SUPT6H: variants seen among roughly 807,000 people sequenced by gnomAD.
The protein encoded by SUPT6H is transcription elongation factor SPT6.
SUPT6H carries 11 observed loss-of-function variants against 222.3 expected under a neutral mutation model. That is an observed-to-expected ratio of 0.05 (90% CI 0.03 to 0.08). The LOEUF (loss-of-function observed/expected upper bound fraction) is 0.08, where lower values mean the gene tolerates loss of function less well. Among genes scored for constraint, SUPT6H ranks in the 10% least tolerant of loss-of-function variants. SUPT6H has a pLI of 1.00. For missense variants in SUPT6H, 1,422 were observed against 2,216.0 expected (o/e 0.64, Z 7.19); for synonymous variants, 762 against 801.2 (o/e 0.95, Z 0.83).
At chr17:28,690,788 A>T in intron 26 of SUPT6H, 133 bp from the exon 27 acceptor site, 1 of 1,040,620 alleles carries the variant, frequency 9.6e-7, no homozygotes, top group Non-Finnish European at 1.4e-6. Flanking sequence ...ATAAATAAAT[A>T]AATAAAAATC....
chr17:28,676,161 C>T lies in SUPT6H; in HGVS notation c.628C>T (p.Leu210=). 3 of 1,588,780 alleles carry T rather than the reference C, an allele frequency of 1.9e-6. No homozygotes were observed. Among genetic ancestry groups the T allele is most frequent in the Non-Finnish European group, 2.6e-6 (3 of 1,167,852 alleles). The change falls in exon 7 of 37, where the codon CTG becomes TTG. Residue 210 remains leucine, a synonymous_variant. Transcript: ENST00000314616. ...KKLPGYTDAA[L]QEAQEIFGVD... is the part of the protein sequence containing the mutation. Reference sequence around the variant, plus strand: ...GCCTCTTGCTGCCACCTACAGGGCCCTGCAAGAAGCCCAGGAAATCTTCGG... The same window carrying T: ...GCCTCTTGCTGCCACCTACAGGGCCTTGCAAGAAGCCCAGGAAATCTTCGG...
At chr17:28,667,401 GTGTGTATATATATATATA>G (rs2030102694) in intron 1 of SUPT6H, among the ~76,000 whole-genome samples, 1 of 20,032 alleles carries the variant, frequency 5.0e-5, no homozygotes, top group Non-Finnish European at 1.4e-4. Flanking sequence ...AAAAGTGTGT[GTGTGTATATATATATATA>G]TATATATATA....
rs9916595 is a variant in SUPT6H at position 28,688,267 on chromosome 17, T to C, written c.3134+49T>C. The C allele has an allele frequency of 5.7e-6, 9 of 1,587,028 alleles. No homozygotes were observed. In the African/African-American group the frequency reaches 1.2e-4, roughly 21 times the overall value. On this transcript the variant is annotated intron_variant, in intron 24 of 36. Coordinates refer to ENST00000314616, the MANE Select transcript of SUPT6H (RefSeq NM_003170.5). This position sits in a 1 kb window ranked among gnomAD's most constrained non-coding sequence, Gnocchi z 4.3. ...GCAGGAGGAATTCCCTTGTGGGCTT[T>C]GTTTTCGGGTTTCAGGGGTTAGGGC...
intron 27 of SUPT6H, among the ~76,000 whole-genome samples, chr17:28,693,289 C>T (rs1352448712): frequency 6.6e-6 from 1 of 152,040 alleles, no homozygotes; most frequent in Non-Finnish European, 1.5e-5. Context: ...GATGAAACCC[C>T]ATCTCTACTA....
rs2031550975 is a variant in SUPT6H at position 28,689,669 on chromosome 17, G to T, written c.3342+108G>T. On this transcript the variant is annotated intron_variant, in intron 25 of 36. Coordinates refer to ENST00000314616, the MANE Select transcript of SUPT6H (RefSeq NM_003170.5). Reference sequence around the variant, plus strand: ...GAGAAAGCCTGATACTGTTAGTATGGCAGACTTGATCCTCATCTCCCTGCC... The same window carrying T: ...GAGAAAGCCTGATACTGTTAGTATGTCAGACTTGATCCTCATCTCCCTGCC... 1.0e-5 allele frequency: 11 copies of T among 1,072,660 alleles called. No individual in the cohort carries two copies. The South Asian group carries it at 1.6e-4, about 16-fold the overall frequency. 66.4% of individuals were successfully genotyped at this position (1,072,660 alleles called of 1,614,324 possible).
intron 7 of SUPT6H, among the ~76,000 whole-genome samples, chr17:28,676,893 C>T (rs1050614901): frequency 5.3e-5 from 8 of 151,756 alleles, no homozygotes; most frequent in African/African-American, 1.9e-4. Context: ...CACCACTGCA[C>T]TGCAGCCTAG....
intron 32 of SUPT6H, among the ~76,000 whole-genome samples, chr17:28,699,303 T>G (rs921995640): frequency 6.6e-6 from 1 of 152,138 alleles, no homozygotes. Flanking sequence ...GAGCTAAAAC[T>G]AGAACTAGAA....
intron 22 of SUPT6H, 24 bp from the exon 23 acceptor site, chr17:28,687,280 C>A: frequency 6.2e-7 from 1 of 1,614,158 alleles, no homozygotes; most frequent in Non-Finnish European, 8.5e-7. Flanking sequence ...AGTAACCTTA[C>A]TCCTGCCTGC....
intron 1 of SUPT6H, among the ~76,000 whole-genome samples, chr17:28,667,423 A>ATATATATG (rs2030121323): frequency 7.4e-6 from 1 of 134,546 alleles, no homozygotes; most frequent in Non-Finnish European, 1.6e-5. Context: ...ATATATATAT[A>ATATATATG]TATATATATA....
chr17:28,662,617 G>A (rs2072077804), intron 1 of SUPT6H, among the ~76,000 whole-genome samples: 1 of 152,170 alleles, frequency 6.6e-6, no homozygotes, highest in South Asian at 2.1e-4. Flanking sequence ...CTCTCCGCAG[G>A]TTTTTAAAAC....
rs777663889 is a variant in SUPT6H, at chr17:28,682,800, C to T, written c.1671C>T (p.His557=). The change falls in exon 14 of 37, where the codon CAC becomes CAT. Residue 557 remains histidine, a synonymous_variant. Transcript: ENST00000314616. ...GENLRDSYQR[H]ETEQFPAEPL... is the part of the protein sequence containing the mutation. Reference sequence around the variant, plus strand: ...ACCTGCGGGATAGCTACCAGCGGCACGAGACAGAGCAGTTTCCCGCGGAGC... The same window carrying T: ...ACCTGCGGGATAGCTACCAGCGGCATGAGACAGAGCAGTTTCCCGCGGAGC... 1.6e-5 allele frequency: 26 copies of T among 1,614,054 alleles called. No individual in the cohort carries two copies. The highest frequency in any genetic ancestry group is 4.5e-5 in the East Asian group (2 of 44,884).
chr17:28,678,332 C>T, intron 9 of SUPT6H, 140 bp downstream of exon 9: 2 of 866,706 alleles, frequency 2.3e-6, no homozygotes, highest in Non-Finnish European at 3.7e-6. Flanking sequence ...CCAGCAGAGA[C>T]CCTAGTGATC....
intron 1 of SUPT6H, chr17:28,672,671 C>T (rs2030494726): frequency 6.6e-6 from 1 of 151,952 alleles, no homozygotes. Flanking sequence ...GCCTTGGCCT[C>T]CCTAAGTGCT....
Position 28,671,549 on chromosome 17 carries a change from G to A in SUPT6H, c.-31-1822G>A, listed in dbSNP as rs530519061. 2.6e-5 allele frequency among the ~76,000 whole-genome samples: 4 copies of A among 152,280 alleles called. No individual in the cohort carries two copies. The East Asian group carries it at 5.8e-4, about 22-fold the overall frequency. The stretch of plus-strand genomic sequence containing the variant: ...GCAGCCAGCTTTAGGGTTCCACAAT[G>A]GAATCTTGTTGTGATGATGTGTGCT... On this transcript the variant is annotated intron_variant, in intron 1 of 36. Coordinates refer to ENST00000314616, the MANE Select transcript of SUPT6H (RefSeq NM_003170.5).
chr17:28,679,112 C>G lies in SUPT6H; in HGVS notation c.1349+149C>G, dbSNP rs993219973. The G allele has an allele frequency of 1.4e-5, 15 of 1,060,202 alleles. No homozygotes were observed. In the African/African-American group the frequency reaches 2.2e-4, roughly 16 times the overall value. 65.7% of individuals were successfully genotyped at this position (1,060,202 alleles called of 1,614,324 possible). A position where few individuals can be genotyped will look rare whatever the true frequency, so the allele number is the denominator to read the frequency against. ...GTCAACCAGGCACAGTGGCTCATGC[C>G]TGTAATCCCAGCAATTTGGGAGGCC... On this transcript the variant is annotated intron_variant, in intron 11 of 36. Coordinates refer to ENST00000314616, the MANE Select transcript of SUPT6H (RefSeq NM_003170.5).
chr17:28,699,552 T>C (rs2032051255), intron 32 of SUPT6H, among the ~76,000 whole-genome samples: 1 of 152,162 alleles, frequency 6.6e-6, no homozygotes, highest in Non-Finnish European at 1.5e-5. Flanking sequence ...CCAGCAAGCC[T>C]TCCTCCGGCA....
rs757117683 is a variant in SUPT6H, at chr17:28,699,833, T to C, written c.4501T>C (p.Phe1501Leu). 4 of 1,614,108 alleles carry C rather than the reference T, an allele frequency of 2.5e-6. No homozygotes were observed. Among genetic ancestry groups the C allele is most frequent in the African/African-American group, 1.3e-5 (1 of 74,950 alleles). ...GGGATTCCGGTACCGGGGCCAGATC[T>C]TCCCAACCGTGAATGGACTGTTTAG... ...PEGFRYRGQI[F>L]PTVNGLFRWF... Residue 1501 changes from phenylalanine (F) to leucine (L), a missense_variant, in exon 33 of 37, where the codon TTC (phenylalanine) becomes CTC (leucine). Physicochemically the swap from Phe to Leu is conservative, Grantham distance 22 (BLOSUM62 0). Around this residue, in one of 13 missense-constraint regions of SUPT6H, gnomAD observed 395 missense variants for 580.6 expected, o/e 0.68. Transcript: ENST00000314616.
intron 28 of SUPT6H, among the ~76,000 whole-genome samples, chr17:28,694,167 C>T (rs2031796202): frequency 6.6e-6 from 1 of 152,202 alleles, no homozygotes. Flanking sequence ...GCCTGTTCTC[C>T]CAAGACCAGG....
intron 11 of SUPT6H, among the ~76,000 whole-genome samples, chr17:28,680,531 G>T (rs1471514212): frequency 6.6e-6 from 1 of 152,022 alleles, no homozygotes; most frequent in Non-Finnish European, 1.5e-5. Flanking sequence ...GGAGGTGGAG[G>T]TTGCAGTGAG....
Sources: gnomAD v4.1 joint callset for allele counts (sites outside exome capture counted in the v4.1 genomes callset) on GRCh38, gnomAD v4.1.1 for gene constraint, gnomAD v4.1.1 regional missense constraint, Gnocchi (gnomAD v3.1) non-coding constraint, MANE v1.5 for transcripts, NCBI Gene and HGNC (gene_info 2026-07-23, HGNC 2026-07-21) for gene names.